The following ART3 variants were observed in gnomAD, a reference collection of about 807,000 sequenced individuals.
ART3 encodes the protein ADP-ribosyltransferase 3 (inactive), also known as ecto-ADP-ribosyltransferase 3.
In ART3, 49 loss-of-function variants were observed where a neutral mutation model predicts 48.5. That is an observed-to-expected ratio of 1.01 (90% CI 0.80 to 1.28). ART3 has a LOEUF of 1.28. Among genes scored for constraint, ART3 ranks in the 50% most tolerant of loss-of-function variants. The pLI is 0.00. For missense variants in ART3, 438 were observed against 454.3 expected (o/e 0.96, Z 0.33); for synonymous variants, 145 against 157.2 (o/e 0.92, Z 0.58).
chr4:76,063,985 T>C (rs981082857), intron 1 of ART3, among the ~76,000 whole-genome samples: 2 of 151,954 alleles, frequency 1.3e-5, no homozygotes, highest in South Asian at 2.1e-4. Flanking sequence ...AAAACAAAGA[T>C]AAATATGAAG....
intron 1 of ART3, among the ~76,000 whole-genome samples, chr4:76,027,068 A>G (rs1015872154): frequency 2.0e-5 from 3 of 152,210 alleles, no homozygotes; most frequent in Non-Finnish European, 4.4e-5. Flanking sequence ...CCTGGCCAAC[A>G]TCGTGAAACC....
intron 1 of ART3, chr4:76,034,719 T>C: frequency 9.0e-7 from 1 of 1,106,826 alleles, no homozygotes; most frequent in Non-Finnish European, 1.3e-6. Flanking sequence ...TTCTTGTCAT[T>C]TCAGTAGTCA....
intron 1 of ART3, chr4:76,037,036 C>A: frequency 5.7e-6 from 1 of 176,178 alleles, no homozygotes. Flanking sequence ...CTTGTTGAGG[C>A]CCACAGCTAT....
At chr4:76,018,466 C>T (rs1732461994) in intron 1 of ART3, among the ~76,000 whole-genome samples, 1 of 152,064 alleles carries the variant, frequency 6.6e-6, no homozygotes, top group African/African-American at 2.4e-5. Flanking sequence ...GATGAAGATT[C>T]AAAAACTACC....
intron 1 of ART3, among the ~76,000 whole-genome samples, chr4:76,067,036 C>T (rs1160830052): frequency 6.6e-6 from 1 of 152,232 alleles, no homozygotes; most frequent in African/African-American, 2.4e-5. Context: ...CTCTGTGGAA[C>T]AGGCAGCCCT....
At chr4:76,035,277 C>A (rs2149406663) in intron 1 of ART3, 1 of 1,614,022 alleles carries the variant, frequency 6.2e-7, no homozygotes, top group East Asian at 2.2e-5. Context: ...TCAATATCTG[C>A]CACTTTCACT....
intron 10 of ART3, among the ~76,000 whole-genome samples, chr4:76,106,796 G>T (rs560801866): frequency 1.5e-4 from 23 of 152,182 alleles, no homozygotes; most frequent in African/African-American, 5.5e-4. Context: ...GCTCCTTCTG[G>T]CTGCTTGTAG....
At chr4:76,019,966 T>TC in intron 1 of ART3, among the ~76,000 whole-genome samples, 1 of 152,264 alleles carries the variant, frequency 6.6e-6, no homozygotes, top group Non-Finnish European at 1.5e-5. Flanking sequence ...TTATCAAACT[T>TC]AAAAAGTTTT....
chr4:76,098,932 A>AT, intron 4 of ART3, 23 bp from the exon 5 acceptor site: 10 of 1,590,696 alleles, frequency 6.3e-6, no homozygotes, highest in Non-Finnish European at 7.8e-6. Flanking sequence ...GTACCATGTA[A>AT]TGAAAACATG....
intron 1 of ART3, chr4:76,021,885 G>C (rs372556969): frequency 6.3e-7 from 1 of 1,578,246 alleles, no homozygotes; most frequent in Admixed American, 1.7e-5. Context: ...GCCTCTGTGT[G>C]GTCCATCCTT....
intron 11 of ART3, among the ~76,000 whole-genome samples, chr4:76,110,338 G>A (rs1729247072): frequency 6.6e-6 from 1 of 152,208 alleles, no homozygotes; most frequent in Non-Finnish European, 1.5e-5. Context: ...GAGGATGTGT[G>A]TAGGTATATG....
At chr4:76,076,703 A>G (rs1285282201) in intron 2 of ART3, among the ~76,000 whole-genome samples, 3 of 152,212 alleles carry the variant, frequency 2.0e-5, no homozygotes, top group Non-Finnish European at 4.4e-5. Context: ...ATAATGCTGC[A>G]TTGTTTGATT....
intron 1 of ART3, among the ~76,000 whole-genome samples, chr4:76,052,778 G>A (rs1287875323): frequency 6.7e-6 from 1 of 149,532 alleles, no homozygotes; most frequent in African/African-American, 2.5e-5. Context: ...GCACGGGCAC[G>A]ATCTCGGCTT....
exon 1 of ART3, chr4:76,011,204 A>T (rs1189533252): frequency 6.6e-6 from 1 of 152,434 alleles, no homozygotes; most frequent in Non-Finnish European, 1.5e-5. Context: ...TTCTTCAGTG[A>T]GGAGGTTATA....
intron 1 of ART3, among the ~76,000 whole-genome samples, chr4:76,012,546 A>G (rs185379773): frequency 3.3e-5 from 5 of 152,260 alleles, no homozygotes; most frequent in Non-Finnish European, 7.4e-5. Context: ...GTCTGCATCT[A>G]AGTCACTAAG....
intron 1 of ART3, among the ~76,000 whole-genome samples, chr4:76,067,062 C>G (rs138069202): frequency 9.2e-4 from 140 of 152,346 alleles, no homozygotes; most frequent in African/African-American, 3.2e-3. Flanking sequence ...CACCTTCCTG[C>G]CACAGCTGGG....
intron 1 of ART3, among the ~76,000 whole-genome samples, chr4:76,020,123 T>C (rs999512178): frequency 2.8e-4 from 42 of 152,130 alleles, no homozygotes; most frequent in Admixed American, 1.4e-3. Context: ...CCTTTTTTTT[T>C]TTCTTCTTTT....
chr4:76,023,305 T>C, intron 1 of ART3: 1 of 1,260,572 alleles, frequency 7.9e-7, no homozygotes, highest in Non-Finnish European at 1.2e-6. Flanking sequence ...TATTTCTGTA[T>C]TTTTAGAATT....
At chr4:76,097,197 T>C (rs1369017315) in intron 3 of ART3, among the ~76,000 whole-genome samples, 2 of 152,070 alleles carry the variant, frequency 1.3e-5, no homozygotes, top group Non-Finnish European at 2.9e-5. Context: ...TAAAATATAA[T>C]TGTTCTGCAA....
Sources: gnomAD v4.1 joint callset for allele counts (sites outside exome capture counted in the v4.1 genomes callset) on GRCh38, gnomAD v4.1.1 for gene constraint, MANE v1.5 for transcripts, NCBI Gene and HGNC (gene_info 2026-07-23, HGNC 2026-07-21) for gene names.